The following CNNM4 variants were observed in gnomAD, a reference collection of about 807,000 sequenced individuals.
CNNM4 encodes the protein cyclin and CBS domain divalent metal cation transport mediator 4, also known as metal transporter CNNM4.
Under a neutral mutation model 53.7 loss-of-function variants are expected in CNNM4, and 32 were observed. The ratio of observed to expected loss-of-function variants is 0.60; its 90% CI spans 0.45 to 0.80. CNNM4 has a LOEUF of 0.80. Among genes scored for constraint, CNNM4 ranks in the 30% least tolerant of loss-of-function variants. The pLI, the probability that CNNM4 is intolerant of heterozygous loss-of-function variation, is 0.00. For synonymous variants in CNNM4, 410 were observed against 440.0 expected (o/e 0.93, Z 0.85); for missense variants, 784 against 1,022.0 (o/e 0.77, Z 3.17).
At chr2:96,771,980 A>C (rs1257999543) in intron 1 of CNNM4, among the ~76,000 whole-genome samples, 1 of 152,132 alleles carries the variant, frequency 6.6e-6, no homozygotes, top group Non-Finnish European at 1.5e-5. Context: ...CCCAGAGGTT[A>C]CGATCAGAAT....
rs987054322 is a variant in CNNM4, at chr2:96,808,389, C to T, written c.1949-172C>T. 4.6e-5 allele frequency among the ~76,000 whole-genome samples: 7 copies of T among 152,184 alleles called. No individual in the cohort carries two copies. Among genetic ancestry groups the T allele is most frequent in the Non-Finnish European group, 7.3e-5 (5 of 68,030 alleles). On this transcript the variant is annotated intron_variant, in intron 5 of 6. Coordinates refer to ENST00000377075, the MANE Select transcript of CNNM4 (RefSeq NM_020184.4). This position sits in a 1 kb window ranked among gnomAD's most constrained non-coding sequence, Gnocchi z 4.9. ...AAACAAACTAATTCATTTGCTTTAA[C>T]GAAGTCAGACCTTATGCAGTCAGAC...
Position 96,762,028 on chromosome 2 carries a change from G to C in CNNM4, c.1029G>C (p.Glu343Asp). ...TTTACAACCGGGAGAAGCTGATGGA[G>C]ATGTTGAAGGTGACGGAGCCCTATA... ...RTVYNREKLM[E>D]MLKVTEPYND... is the part of the protein sequence containing the mutation. The change falls in exon 1 of 7, where the codon GAG (glutamate) becomes GAC (aspartate). Residue 343 changes from glutamate (E) to aspartate (D), a missense_variant. Transcript: ENST00000377075. 2 of 1,614,168 alleles carry C rather than the reference G, an allele frequency of 1.2e-6. No individual in the cohort carries two copies. Among genetic ancestry groups the C allele is most frequent in the Non-Finnish European group, 1.7e-6 (2 of 1,180,030 alleles).
chr2:96,765,051 T>G (rs1208740114), intron 1 of CNNM4, among the ~76,000 whole-genome samples: 4 of 125,724 alleles, frequency 3.2e-5, no homozygotes, highest in South Asian at 2.5e-4. Flanking sequence ...TTTTTTTTTT[T>G]TTTTTTTTTT....
intron 5 of CNNM4, among the ~76,000 whole-genome samples, chr2:96,805,425 T>TTG (rs2079193543): frequency 7.2e-6 from 1 of 139,790 alleles, no homozygotes; most frequent in African/African-American, 3.0e-5. Flanking sequence ...TCAGTTTTTT[T>TTG]TTTTTTTTTT....
intron 1 of CNNM4, among the ~76,000 whole-genome samples, chr2:96,765,340 G>T (rs2078806915): frequency 6.6e-6 from 1 of 151,742 alleles, no homozygotes; most frequent in Non-Finnish European, 1.5e-5. Context: ...TGGTCAGGCT[G>T]GTCTTGAACT....
chr2:96,787,123 G>A (rs1022360558), intron 1 of CNNM4, among the ~76,000 whole-genome samples: 3 of 152,152 alleles, frequency 2.0e-5, no homozygotes, highest in African/African-American at 7.2e-5. Flanking sequence ...GGCCCTCCTG[G>A]GCACACCTTG....
At chr2:96,774,469 C>T (rs571199402) in intron 1 of CNNM4, among the ~76,000 whole-genome samples, 1 of 152,224 alleles carries the variant, frequency 6.6e-6, no homozygotes, top group Non-Finnish European at 1.5e-5. Flanking sequence ...GGGGAAATGC[C>T]TGTGCCTGTG....
Position 96,773,796 on chromosome 2 carries a change from TCATGCCACTGCACTC to T in CNNM4, c.1402+11398_1402+11412del, listed in dbSNP as rs533582744. ...AGGTGGAGGTTGCAGTGAGCCAAGA[TCATGCCACTGCACTC>T]CAGCCTGGGTGACAGAGTAAGACTC... On this transcript the variant is annotated intron_variant, in intron 1 of 6. Transcript: ENST00000377075. Among the ~76,000 whole-genome samples, 7 of 143,656 alleles carry T rather than the reference TCATGCCACTGCACTC, an allele frequency of 4.9e-5. No homozygotes were observed. In the East Asian group the frequency reaches 1.4e-3, roughly 29 times the overall value. The allele number at this position is 143,656 out of a possible 152,430, so 94.2% of individuals were successfully genotyped here.
At chr2:96,775,103 TAGAGA>T (rs2078913252) in intron 1 of CNNM4, among the ~76,000 whole-genome samples, 1 of 148,586 alleles carries the variant, frequency 6.7e-6, no homozygotes, top group African/African-American at 2.5e-5. Context: ...ATGCATAATA[TAGAGA>T]AAAGTGCATA....
intron 5 of CNNM4, among the ~76,000 whole-genome samples, chr2:96,804,923 G>A (rs2079188465): frequency 6.6e-6 from 1 of 152,010 alleles, no homozygotes; most frequent in Non-Finnish European, 1.5e-5. Flanking sequence ...TTGGGAGGCT[G>A]AGGCAGGAGG....
chr2:96,785,301 T>C, intron 1 of CNNM4, among the ~76,000 whole-genome samples: 1 of 152,138 alleles, frequency 6.6e-6, no homozygotes, highest in African/African-American at 2.4e-5. Flanking sequence ...GCTGTTATAC[T>C]AGTACATGTA....
intron 5 of CNNM4, among the ~76,000 whole-genome samples, chr2:96,805,368 T>TA (rs1038640371): frequency 6.8e-6 from 1 of 147,856 alleles, no homozygotes; most frequent in Admixed American, 6.7e-5. Context: ...AGCACAAAGA[T>TA]AGAGTATTAC....
intron 5 of CNNM4, among the ~76,000 whole-genome samples, chr2:96,802,332 C>T (rs1268772948): frequency 6.6e-6 from 1 of 152,274 alleles, no homozygotes; most frequent in Non-Finnish European, 1.5e-5. Context: ...GCCTGCTGCC[C>T]TCCACGGCCA....
intron 1 of CNNM4, among the ~76,000 whole-genome samples, chr2:96,785,216 A>G (rs893441305): frequency 6.6e-6 from 1 of 151,668 alleles, no homozygotes; most frequent in African/African-American, 2.4e-5. Flanking sequence ...CAAGCTTTTC[A>G]TCTTGCCCCT....
At chr2:96,765,781 C>T (rs1337179894) in intron 1 of CNNM4, among the ~76,000 whole-genome samples, 2 of 121,538 alleles carry the variant, frequency 1.6e-5, no homozygotes, top group Admixed American at 7.9e-5. Flanking sequence ...TTCTTTTTTT[C>T]TTTCTTTCTT....
At chr2:96,767,742 G>A (rs1253797672) in intron 1 of CNNM4, among the ~76,000 whole-genome samples, 1 of 152,182 alleles carries the variant, frequency 6.6e-6, no homozygotes, top group Admixed American at 6.5e-5. Context: ...GCAAGGTAGT[G>A]CAGTATAAAT....
At chr2:96,793,374 G>A (rs969957165) in intron 1 of CNNM4, among the ~76,000 whole-genome samples, 4 of 152,352 alleles carry the variant, frequency 2.6e-5, no homozygotes, top group African/African-American at 9.6e-5. Flanking sequence ...TCACCCTGCA[G>A]AGGGTGACTG....
intron 5 of CNNM4, among the ~76,000 whole-genome samples, chr2:96,803,680 C>A (rs1040472768): frequency 1.3e-5 from 2 of 150,898 alleles, no homozygotes; most frequent in Non-Finnish European, 2.9e-5. Context: ...GAGCTGAGAT[C>A]GTGCCATTGC....
At chr2:96,764,485 C>G (rs1558978523) in intron 1 of CNNM4, among the ~76,000 whole-genome samples, 1 of 144,144 alleles carries the variant, frequency 6.9e-6, no homozygotes, top group Non-Finnish European at 1.6e-5. Context: ...AGTCCCCCCT[C>G]TCTACCCACC....
Sources: gnomAD v4.1 joint callset for allele counts (sites outside exome capture counted in the v4.1 genomes callset) on GRCh38, gnomAD v4.1.1 for gene constraint, Gnocchi (gnomAD v3.1) non-coding constraint, MANE v1.5 for transcripts, NCBI Gene and HGNC (gene_info 2026-07-23, HGNC 2026-07-21) for gene names.